The following CNIH3 variants were observed in gnomAD, a reference collection of about 807,000 sequenced individuals.
The protein encoded by CNIH3 is protein cornichon homolog 3.
Under a neutral mutation model 24.1 loss-of-function variants are expected in CNIH3, and 14 were observed. The observed-to-expected ratio is 0.58, with a 90% CI of 0.38 to 0.91. The LOEUF (loss-of-function observed/expected upper bound fraction) is 0.91, where lower values mean the gene tolerates loss of function less well. Among genes scored for constraint, CNIH3 ranks in the 40% least tolerant of loss-of-function variants. The pLI is 0.00. For missense variants in CNIH3, 178 were observed against 196.8 expected, an observed-to-expected ratio of 0.90 and a Z score of 0.57; for synonymous variants, 68 against 73.8, an observed-to-expected ratio of 0.92 and a Z score of 0.40.
chr1:224,723,339 C>G (rs778931394), intron 3 of CNIH3, among the ~76,000 whole-genome samples: 13 of 152,250 alleles, frequency 8.5e-5, no homozygotes, highest in Non-Finnish European at 1.3e-4. Context: ...CCTTCTCTCT[C>G]TGTGCCTTTT....
chr1:224,434,769 G>A (rs1572230077), exon 1 of CNIH3: 3 of 986,336 alleles, frequency 3.0e-6, no homozygotes, highest in Non-Finnish European at 3.6e-6. Flanking sequence ...TCCCTGGTGT[G>A]TTGATTCTTC....
upstream of CNIH3, among the ~76,000 whole-genome samples, chr1:224,515,556 T>A (rs1678347330): frequency 6.6e-6 from 1 of 152,236 alleles, no homozygotes; most frequent in Non-Finnish European, 1.5e-5. Context: ...TTGTCTTGTT[T>A]GCCCTTGAAA....
chr1:224,557,647 G>A (rs1680198383), intron 3 of CNIH3, among the ~76,000 whole-genome samples: 1 of 152,084 alleles, frequency 6.6e-6, no homozygotes, highest in Admixed American at 6.5e-5. Flanking sequence ...AGTAGAGAGG[G>A]GGTTTTGCCA....
At chr1:224,506,050 A>G (rs1411920285) in intron 1 of CNIH3, among the ~76,000 whole-genome samples, 1 of 152,212 alleles carries the variant, frequency 6.6e-6, no homozygotes, top group African/African-American at 2.4e-5. Context: ...CCAAGACCCA[A>G]GCCTTTTTAT....
At chr1:224,560,189 C>G (rs1463382702) in intron 3 of CNIH3, among the ~76,000 whole-genome samples, 1 of 152,082 alleles carries the variant, frequency 6.6e-6, no homozygotes, top group Non-Finnish European at 1.5e-5. Context: ...TTGGGCATGG[C>G]TTTTCATGTG....
At chr1:224,666,089 A>G (rs1434181356) in intron 1 of CNIH3, among the ~76,000 whole-genome samples, 2 of 152,196 alleles carry the variant, frequency 1.3e-5, no homozygotes. Context: ...TACTGATGCA[A>G]TGCAATGTGC....
At chr1:224,597,192 C>A (rs1234262780) in intron 3 of CNIH3, among the ~76,000 whole-genome samples, 4 of 151,778 alleles carry the variant, frequency 2.6e-5, no homozygotes, top group South Asian at 2.1e-4. Context: ...AAAACAAAAA[C>A]CAAACCAAAC....
intron 2 of CNIH3, among the ~76,000 whole-genome samples, chr1:224,683,114 T>C (rs954891466): frequency 6.6e-6 from 1 of 152,254 alleles, no homozygotes; most frequent in African/African-American, 2.4e-5. Context: ...GCTCCATGGC[T>C]ATTTGTCGAT....
At chr1:224,515,180 C>T (rs543905946), upstream of CNIH3, among the ~76,000 whole-genome samples, 2 of 152,188 alleles carry the variant, frequency 1.3e-5, no homozygotes, top group African/African-American at 4.8e-5. Context: ...GGGCGGGGGT[C>T]TAGGCTATTT....
intron 1 of CNIH3, among the ~76,000 whole-genome samples, chr1:224,665,888 G>C (rs990245127): frequency 4.0e-5 from 6 of 151,486 alleles, no homozygotes. Context: ...AGTGTGCTAG[G>C]GATGCTTCAG....
intron 1 of CNIH3, among the ~76,000 whole-genome samples, chr1:224,480,600 C>T (rs1676767502): frequency 6.6e-6 from 1 of 152,180 alleles, no homozygotes; most frequent in African/African-American, 2.4e-5. Context: ...ATTTCTTCTG[C>T]CAGATACCCT....
chr1:224,472,760 C>T (rs1676422535), intron 1 of CNIH3, among the ~76,000 whole-genome samples: 1 of 152,114 alleles, frequency 6.6e-6, no homozygotes, highest in Non-Finnish European at 1.5e-5. Flanking sequence ...AACCAGACAC[C>T]ACCTGTTCCC....
At chr1:224,606,617 C>T (rs368819930) in intron 3 of CNIH3, among the ~76,000 whole-genome samples, 23 of 152,124 alleles carry the variant, frequency 1.5e-4, no homozygotes, top group Admixed American at 1.2e-3. Context: ...AACATTCAGG[C>T]GGGAAAACAA....
chr1:224,536,362 GCTCACCGTAA>G (rs1309632144), intron 2 of CNIH3, among the ~76,000 whole-genome samples: 7 of 138,424 alleles, frequency 5.1e-5, no homozygotes, highest in Non-Finnish European at 1.0e-4. Context: ...CGTGATCTCA[GCTCACCGTAA>G]CCTCTGCCTC....
At chr1:224,657,349 A>G (rs1322406710) in intron 1 of CNIH3, among the ~76,000 whole-genome samples, 2 of 152,206 alleles carry the variant, frequency 1.3e-5, no homozygotes, top group Non-Finnish European at 2.9e-5. Context: ...CATACAAAGC[A>G]TATATTAAGC....
At chr1:224,695,383 CACACACACACA>C (rs1352183894) in intron 3 of CNIH3, among the ~76,000 whole-genome samples, 2,359 of 151,340 alleles carry the variant, frequency 0.016, 62 homozygotes, top group African/African-American at 0.054. Context: ...CACACACACA[CACACACACACA>C]CCCCTGTTGG....
chr1:224,620,966 C>T (rs747933310), intron 1 of CNIH3, among the ~76,000 whole-genome samples: 4 of 152,188 alleles, frequency 2.6e-5, no homozygotes, highest in African/African-American at 4.8e-5. Context: ...TTCTCTGCTC[C>T]GGCTCGGTTA....
At chr1:224,686,562 T>C (rs1033050217) in intron 3 of CNIH3, among the ~76,000 whole-genome samples, 1 of 152,332 alleles carries the variant, frequency 6.6e-6, no homozygotes, top group African/African-American at 2.4e-5. Context: ...AGTCTCTGGG[T>C]TTGTTCTTTA....
At chr1:224,547,012 T>A (rs552647173) in intron 3 of CNIH3, 1 of 547,572 alleles carries the variant, frequency 1.8e-6, no homozygotes, top group African/African-American at 2.1e-5. Context: ...GTAAGATGGG[T>A]GAGTGAGTAC....
Sources: allele counts gnomAD v4.1 joint callset (sites outside exome capture counted in the v4.1 genomes callset), GRCh38; gene constraint gnomAD v4.1.1; transcripts MANE v1.5; gene names NCBI Gene and HGNC (gene_info 2026-07-23, HGNC 2026-07-21).